Variants in ESF1 observed in about 807,000 individuals in gnomAD.
The protein encoded by ESF1 is ESF1 homolog.
Under a neutral mutation model 92.0 loss-of-function variants are expected in ESF1, and 58 were observed. That is an observed-to-expected ratio of 0.63 (90% CI 0.51 to 0.78). The LOEUF (loss-of-function observed/expected upper bound fraction) is 0.78. ESF1 is among the 30% of genes least tolerant of loss of function. The pLI is 0.00. For synonymous variants in ESF1, 321 were observed against 313.7 expected (o/e 1.02, Z -0.24); for missense variants, 922 against 989.1 (o/e 0.93, Z 0.91).
intron 9 of ESF1, among the ~76,000 whole-genome samples, chr20:13,748,592 A>ATATTTTTTTTTTTT (rs1331098586): frequency 1.0e-5 from 1 of 95,738 alleles, no homozygotes; most frequent in African/African-American, 6.4e-5. Flanking sequence ...ATATATATAT[A>ATATTTTTTTTTTTT]TTTTTTTTTT....
chr20:13,761,915 T>C lies in ESF1; in HGVS notation c.1667-2062A>G, dbSNP rs116214296. Among the ~76,000 whole-genome samples, 734 of 152,310 alleles carry C rather than the reference T, an allele frequency of 4.8e-3. 12 individuals are homozygous for C. Among genetic ancestry groups the C allele is most frequent in the African/African-American group, 0.016 (666 of 41,572 alleles). ...GACTTATTGAATTGACTGTCTCAAG[T>C]AAAGGAAACTCTACTAGCAGGATAA... On this transcript the variant is annotated intron_variant, in intron 8 of 13. Coordinates refer to ENST00000617257, the MANE Select transcript of ESF1 (RefSeq NM_001276380.2).
intron 9 of ESF1, among the ~76,000 whole-genome samples, chr20:13,741,374 G>GCC (rs1279613475): frequency 2.6e-5 from 4 of 152,072 alleles, no homozygotes; most frequent in African/African-American, 9.7e-5. Flanking sequence ...ATACAAGCTG[G>GCC]CCTACAGGTG....
intron 4 of ESF1, among the ~76,000 whole-genome samples, chr20:13,773,251 T>C (rs2147775168): frequency 6.6e-6 from 1 of 152,348 alleles, no homozygotes; most frequent in South Asian, 2.1e-4. Flanking sequence ...CATTTGTTAA[T>C]GAACACATGC....
In ESF1 at chr20:13,773,888, G is replaced by A. The variant is rs6042355; in HGVS notation, c.1149+1269C>T. Among the ~76,000 whole-genome samples the A allele has an allele frequency of 3.3e-3, 502 of 152,256 alleles. 2 individuals carry two copies. Among genetic ancestry groups the A allele is most frequent in the African/African-American group, 0.012 (483 of 41,564 alleles). On this transcript the variant is annotated intron_variant, in intron 4 of 13. Transcript: ENST00000617257. ...AGGCGGGCGGATCATGAGGTCAGGAGATCGAGACCATCCTGGCTAACACAG... is the reference window on the plus strand; with the variant it reads ...AGGCGGGCGGATCATGAGGTCAGGAAATCGAGACCATCCTGGCTAACACAG...
At chr20:13,719,544 G>A (rs953668191) in intron 11 of ESF1, among the ~76,000 whole-genome samples, 1 of 151,608 alleles carries the variant, frequency 6.6e-6, no homozygotes, top group Admixed American at 6.6e-5. Context: ...AGAAAAGATT[G>A]TTTAATAACT....
chr20:13,737,014 T>C (rs2049979761), intron 9 of ESF1, among the ~76,000 whole-genome samples: 1 of 152,220 alleles, frequency 6.6e-6, no homozygotes, highest in African/African-American at 2.4e-5. Context: ...CTGTTTATGT[T>C]CTAAGTTCTT....
Position 13,783,183 on chromosome 20 carries a change from A to G in ESF1, c.-43T>C. 6.5e-7 allele frequency: 1 copy of G among 1,547,154 alleles called. No homozygotes were observed. Among genetic ancestry groups the G allele is most frequent in the South Asian group, 1.2e-5 (1 of 81,522 alleles). On this transcript the variant is annotated splice_region_variant and 5_prime_UTR_variant, in exon 2 of 14. Transcript: ENST00000617257. ...GACCAAATGCTTGAAGAAAACAAAT[A>G]CTGAAAAATAAAACAAATGTTTTAA...
At position 13,762,854 on chromosome 20, in the gene ESF1, GTTTTTTTTT is replaced by G. The variant is rs33986564; in HGVS notation, c.1667-3010_1667-3002del. On this transcript the variant is annotated intron_variant, in intron 8 of 13. Transcript: ENST00000617257. ...AAACAAAAAGTCATTATTTATTAAA[GTTTTTTTTT>G]TTTTTTTTTTTTTTTGAGACAGAGT... 7 of 186,854 alleles carry G rather than the reference GTTTTTTTTT, an allele frequency of 3.7e-5. No individual in the cohort carries two copies. The Admixed American group carries it at 4.5e-4, about 12-fold the overall frequency. 11.6% of individuals were successfully genotyped at this position (186,854 alleles called of 1,614,324 possible).
At chr20:13,743,497 G>A (rs930110968) in intron 9 of ESF1, among the ~76,000 whole-genome samples, 2 of 152,092 alleles carry the variant, frequency 1.3e-5, no homozygotes, top group South Asian at 4.1e-4. Flanking sequence ...ATCAGCAGAT[G>A]AATTAATAAA....
intron 10 of ESF1, among the ~76,000 whole-genome samples, chr20:13,730,978 C>T (rs974881881): frequency 6.6e-6 from 1 of 151,910 alleles, no homozygotes; most frequent in East Asian, 1.9e-4. Flanking sequence ...ATACAAAGAA[C>T]CTGTGGAGTT....
chr20:13,736,112 A>G (rs1406270721), intron 9 of ESF1, among the ~76,000 whole-genome samples: 1 of 152,180 alleles, frequency 6.6e-6, no homozygotes, highest in Non-Finnish European at 1.5e-5. Context: ...GAAGCTTAAC[A>G]GCATTGACAT....
intron 9 of ESF1, among the ~76,000 whole-genome samples, chr20:13,754,088 G>T (rs571965136): frequency 2.6e-5 from 4 of 152,210 alleles, no homozygotes; most frequent in African/African-American, 9.6e-5. Context: ...AAAAAGAGTT[G>T]CCTCTACTTA....
At chr20:13,766,298 A>G (rs989874884) in intron 8 of ESF1, among the ~76,000 whole-genome samples, 20 of 152,344 alleles carry the variant, frequency 1.3e-4, no homozygotes. Context: ...CTCCACAAAC[A>G]AAAAGAAATC....
intron 2 of ESF1, among the ~76,000 whole-genome samples, chr20:13,779,009 G>A (rs2147449811): frequency 6.6e-6 from 1 of 152,182 alleles, no homozygotes; most frequent in Middle Eastern, 3.4e-3. Context: ...TTGCACCACT[G>A]CACTCCAGCC....
At chr20:13,767,854 C>A (rs1783299888) in intron 7 of ESF1, among the ~76,000 whole-genome samples, 1 of 152,088 alleles carries the variant, frequency 6.6e-6, no homozygotes, top group Admixed American at 6.5e-5. Flanking sequence ...AGATCCACAT[C>A]CATTTTAAGA....
At chr20:13,722,892 G>A (rs955711520) in intron 11 of ESF1, among the ~76,000 whole-genome samples, 6 of 152,046 alleles carry the variant, frequency 3.9e-5, no homozygotes, top group Admixed American at 3.9e-4. Flanking sequence ...CATCTCCTGG[G>A]ACTGCTGCAA....
chr20:13,776,387 G>A, intron 2 of ESF1, 117 bp from the exon 3 acceptor site: 1 of 955,238 alleles, frequency 1.0e-6, no homozygotes, highest in Non-Finnish European at 1.5e-6. Context: ...ACACAGTAAA[G>A]ACAAATATAT....
chr20:13,768,615 G>C (rs944724330), intron 7 of ESF1, among the ~76,000 whole-genome samples: 1 of 150,974 alleles, frequency 6.6e-6, no homozygotes, highest in Non-Finnish European at 1.5e-5. Context: ...AGGGAGAAGG[G>C]GCCAGGCGCA....
chr20:13,742,451 A>G (rs2050020147), intron 9 of ESF1, among the ~76,000 whole-genome samples: 1 of 152,084 alleles, frequency 6.6e-6, no homozygotes, highest in African/African-American at 2.4e-5. Flanking sequence ...AGCCTGGGCA[A>G]CAGAGTGAGA....
Sources: gnomAD v4.1 joint callset for allele counts (sites outside exome capture counted in the v4.1 genomes callset) on GRCh38, gnomAD v4.1.1 for gene constraint, MANE v1.5 for transcripts, NCBI Gene and HGNC (gene_info 2026-07-23, HGNC 2026-07-21) for gene names.